Variants in PLPPR1 observed in about 807,000 individuals in gnomAD.
PLPPR1 encodes phospholipid phosphatase related 1.
In PLPPR1, 10 loss-of-function variants were observed where a neutral mutation model predicts 33.1. That is an observed-to-expected ratio of 0.30 (90% CI 0.19 to 0.51). PLPPR1 has a LOEUF of 0.51. PLPPR1 is among the 20% of genes least tolerant of loss of function. The pLI is 0.97. For synonymous variants in PLPPR1, 151 were observed against 151.0 expected (o/e 1.00, Z 0.00); for missense variants, 304 against 408.1 (o/e 0.74, Z 2.20).
At chr9:101,233,392 T>G (rs1476210889) in intron 2 of PLPPR1, among the ~76,000 whole-genome samples, 1 of 151,956 alleles carries the variant, frequency 6.6e-6, no homozygotes, top group African/African-American at 2.4e-5. Context: ...GAAAGTGAGC[T>G]CATCAGAAGG....
chr9:101,157,596 G>A (rs567402795), intron 1 of PLPPR1, among the ~76,000 whole-genome samples: 4 of 152,180 alleles, frequency 2.6e-5, no homozygotes, highest in African/African-American at 7.2e-5. Context: ...GGGGAATATC[G>A]GTACTTAAAT....
chr9:101,294,830 C>A (rs1828591216), intron 4 of PLPPR1, among the ~76,000 whole-genome samples: 1 of 151,954 alleles, frequency 6.6e-6, no homozygotes, highest in African/African-American at 2.4e-5. Flanking sequence ...CTATGACAAA[C>A]CCACAGCCAA....
intron 2 of PLPPR1, among the ~76,000 whole-genome samples, chr9:101,239,333 C>T (rs1240131818): frequency 1.3e-5 from 2 of 151,838 alleles, no homozygotes; most frequent in Non-Finnish European, 2.9e-5. Context: ...TACATTCCTA[C>T]CAGCAGTGTA....
intron 1 of PLPPR1, among the ~76,000 whole-genome samples, chr9:101,057,496 G>T (rs1830291931): frequency 6.6e-6 from 1 of 151,882 alleles, no homozygotes; most frequent in African/African-American, 2.4e-5. Flanking sequence ...ATATTAATGG[G>T]CATTGTGGAA....
intron 1 of PLPPR1, among the ~76,000 whole-genome samples, chr9:101,136,757 T>C (rs1014038462): frequency 3.3e-5 from 5 of 152,296 alleles, no homozygotes; most frequent in East Asian, 3.9e-4. Context: ...TTCTGACTTA[T>C]AGTCAAGTTG....
intron 2 of PLPPR1, among the ~76,000 whole-genome samples, chr9:101,223,955 A>G (rs10989441): frequency 0.036 from 5,529 of 152,220 alleles, 152 homozygotes; most frequent in South Asian, 0.11. Flanking sequence ...AAATGTGTCA[A>G]CATTATGTAA....
intron 3 of PLPPR1, among the ~76,000 whole-genome samples, chr9:101,283,101 T>A (rs1038038957): frequency 6.6e-6 from 1 of 152,094 alleles, no homozygotes; most frequent in Non-Finnish European, 1.5e-5. Context: ...CCTTCCAAAG[T>A]GCTACGATCA....
chr9:101,181,298 A>G (rs1171167816), intron 1 of PLPPR1, among the ~76,000 whole-genome samples: 1 of 150,872 alleles, frequency 6.6e-6, no homozygotes, highest in African/African-American at 2.4e-5. Flanking sequence ...TATTATAAAA[A>G]AGATGAAAGA....
In PLPPR1 at chr9:101,177,363, A is replaced by G. The variant is rs551885573; in HGVS notation, c.-45-8087A>G. ...TTCCTAAGTATTGTATTCTTTTTCAATGCTATTGTGAATTGACTCATTTTC... is the reference window on the plus strand; with the variant it reads ...TTCCTAAGTATTGTATTCTTTTTCAGTGCTATTGTGAATTGACTCATTTTC... On this transcript the variant is annotated intron_variant, in intron 1 of 7. Transcript: ENST00000374874. Among the ~76,000 whole-genome samples, 174 of 152,180 alleles carry G rather than the reference A, an allele frequency of 1.1e-3. 4 individuals are homozygous for G. In the Middle Eastern group the frequency reaches 0.014, roughly 12 times the overall value.
At chr9:101,286,777 A>G (rs1204410452) in intron 4 of PLPPR1, among the ~76,000 whole-genome samples, 5 of 152,240 alleles carry the variant, frequency 3.3e-5, no homozygotes, top group Non-Finnish European at 7.3e-5. Context: ...GACTTTTATG[A>G]AAATTCCTGA....
At chr9:101,199,165 C>T (rs962157680) in intron 2 of PLPPR1, among the ~76,000 whole-genome samples, 8 of 152,098 alleles carry the variant, frequency 5.3e-5, no homozygotes, top group South Asian at 4.1e-4. Context: ...GCCCACTTTC[C>T]GTAATACATA....
intron 1 of PLPPR1, among the ~76,000 whole-genome samples, chr9:101,081,824 C>T (rs951900987): frequency 6.6e-6 from 1 of 152,126 alleles, no homozygotes; most frequent in Admixed American, 6.5e-5. Flanking sequence ...CAGGGGAATC[C>T]GCTGAAGCTT....
chr9:101,218,230 C>T (rs1588077703), intron 2 of PLPPR1, among the ~76,000 whole-genome samples: 4 of 152,212 alleles, frequency 2.6e-5, no homozygotes, highest in Admixed American at 2.0e-4. Context: ...TATGAGATAG[C>T]ATCTTGGAAA....
At chr9:101,062,356 G>A (rs1181404596) in intron 1 of PLPPR1, among the ~76,000 whole-genome samples, 2 of 152,002 alleles carry the variant, frequency 1.3e-5, no homozygotes, top group Admixed American at 6.6e-5. Context: ...AATAATAATT[G>A]TGCAAATGGG....
intron 5 of PLPPR1, among the ~76,000 whole-genome samples, chr9:101,310,765 G>A (rs903080189): frequency 3.9e-5 from 6 of 152,180 alleles, no homozygotes; most frequent in Admixed American, 1.3e-4. Context: ...GTGCCTTTGT[G>A]TCCCATTTAC....
At chr9:101,100,231 A>C (rs369225502) in intron 1 of PLPPR1, among the ~76,000 whole-genome samples, 98 of 152,268 alleles carry the variant, frequency 6.4e-4, no homozygotes, top group African/African-American at 2.2e-3. Context: ...GATTTAAAGA[A>C]TGTCACACAT....
chr9:101,224,648 C>T (rs1214821310), intron 2 of PLPPR1, among the ~76,000 whole-genome samples: 2 of 152,130 alleles, frequency 1.3e-5, no homozygotes, highest in African/African-American at 2.4e-5. Context: ...TGCTTCATTA[C>T]AATGTTGATA....
At chr9:101,291,661 G>T (rs537485172) in intron 4 of PLPPR1, among the ~76,000 whole-genome samples, 68 of 152,358 alleles carry the variant, frequency 4.5e-4, no homozygotes, top group Non-Finnish European at 7.2e-4. Context: ...AGCCACTGCT[G>T]CTGGTACCCA....
At chr9:101,210,609 T>A (rs2118766353) in intron 2 of PLPPR1, among the ~76,000 whole-genome samples, 1 of 152,318 alleles carries the variant, frequency 6.6e-6, no homozygotes, top group East Asian at 1.9e-4. Flanking sequence ...TGTTGATCAA[T>A]TTTGTTGATA....
Sources: allele counts gnomAD v4.1 joint callset (sites outside exome capture counted in the v4.1 genomes callset), GRCh38; gene constraint gnomAD v4.1.1; transcripts MANE v1.5; gene names NCBI Gene and HGNC (gene_info 2026-07-23, HGNC 2026-07-21).